Variants in C8orf34 observed in about 807,000 individuals in gnomAD.
C8orf34 encodes chromosome 8 open reading frame 34, also known as uncharacterized protein C8orf34.
C8orf34 carries 65 observed loss-of-function variants against 68.3 expected under a neutral mutation model. That is an observed-to-expected ratio of 0.95 (90% CI 0.78 to 1.17). The LOEUF (loss-of-function observed/expected upper bound fraction) is 1.17, where lower values mean the gene tolerates loss of function less well. Among genes scored for constraint, C8orf34 ranks in the 50% most tolerant of loss-of-function variants. The pLI is 0.00. For missense variants in C8orf34, 664 were observed against 655.4 expected (o/e 1.01, Z -0.14); for synonymous variants, 244 against 241.2 (o/e 1.01, Z -0.11).
rs187993212 is a variant in C8orf34 at position 68,715,022 on chromosome 8, G to A, written c.1327+5943G>A. ...ACAAAGCAAACAAAAACATAAAGTG[G>A]GGAAGGGACACCCTATTCAATAAAT... On this transcript the variant is annotated intron_variant, in intron 9 of 13. Coordinates refer to ENST00000518698, the MANE Select transcript of C8orf34 (RefSeq NM_052958.4). 3.5e-3 allele frequency among the ~76,000 whole-genome samples: 540 copies of A among 152,228 alleles called. 2 individuals carry two copies. The highest frequency in any genetic ancestry group is 5.7e-3 in the Non-Finnish European group (386 of 68,000).
chr8:68,744,992 G>A (rs1039692650), intron 10 of C8orf34, among the ~76,000 whole-genome samples: 8 of 151,910 alleles, frequency 5.3e-5, no homozygotes, highest in Non-Finnish European at 8.8e-5. Context: ...GAGAAAGGTC[G>A]GGTTACCCTG....
At chr8:68,794,482 A>AATATAT (rs1242445585) in intron 12 of C8orf34, among the ~76,000 whole-genome samples, 6 of 89,348 alleles carry the variant, frequency 6.7e-5, no homozygotes, top group African/African-American at 2.3e-4. Context: ...TATAAATATA[A>AATATAT]ATATATATAT....
At chr8:68,656,961 A>G (rs1394308979) in intron 8 of C8orf34, among the ~76,000 whole-genome samples, 3 of 152,222 alleles carry the variant, frequency 2.0e-5, no homozygotes, top group Non-Finnish European at 4.4e-5. Context: ...GTCGTTTGGG[A>G]GAACAGCTTG....
intron 8 of C8orf34, among the ~76,000 whole-genome samples, chr8:68,706,489 G>GA (rs1293610496): frequency 6.6e-6 from 1 of 152,166 alleles, no homozygotes; most frequent in Non-Finnish European, 1.5e-5. Flanking sequence ...GGAGAAAGAA[G>GA]AGGGAAATGG....
chr8:68,517,150 C>T (rs1215007033), intron 5 of C8orf34, among the ~76,000 whole-genome samples: 5 of 152,002 alleles, frequency 3.3e-5, no homozygotes, highest in African/African-American at 4.8e-5. Context: ...TTTTAAATTA[C>T]TTTTGCCATG....
intron 7 of C8orf34, among the ~76,000 whole-genome samples, chr8:68,610,619 T>G (rs926892496): frequency 2.0e-5 from 3 of 152,130 alleles, no homozygotes; most frequent in African/African-American, 7.2e-5. Flanking sequence ...CTTTAGGAAG[T>G]GCAGCCACTA....
At chr8:68,461,184 C>T (rs964352641) in intron 3 of C8orf34, among the ~76,000 whole-genome samples, 6 of 151,942 alleles carry the variant, frequency 3.9e-5, no homozygotes, top group Admixed American at 2.6e-4. Flanking sequence ...TGGAAGAAAG[C>T]GTATCAGTGA....
Position 68,380,838 on chromosome 8 carries a change from C to G in C8orf34, c.327+49499C>G, listed in dbSNP as rs75176305. On this transcript the variant is annotated intron_variant, in intron 1 of 13. Transcript: ENST00000518698. ...TTCAACTCAAGGCAATCAAATTTAC[C>G]ACACATTCATGTATCTCAGAAGATT... Among the ~76,000 whole-genome samples the G allele has an allele frequency of 9.0e-4, 137 of 152,270 alleles. 2 individuals are homozygous for G. Among genetic ancestry groups the G allele is most frequent in the African/African-American group, 3.3e-3 (136 of 41,568 alleles).
intron 7 of C8orf34, among the ~76,000 whole-genome samples, chr8:68,540,386 C>T (rs902521164): frequency 3.3e-5 from 5 of 150,774 alleles, no homozygotes; most frequent in African/African-American, 1.2e-4. Flanking sequence ...CACTTAATGA[C>T]AGAAAAAATT....
At chr8:68,339,757 C>CA (rs1464079121) in intron 1 of C8orf34, among the ~76,000 whole-genome samples, 2 of 151,406 alleles carry the variant, frequency 1.3e-5, no homozygotes, top group African/African-American at 4.9e-5. Flanking sequence ...TTAAATATGA[C>CA]AGAAATATAT....
intron 8 of C8orf34, among the ~76,000 whole-genome samples, chr8:68,685,986 A>C (rs1296390884): frequency 6.6e-6 from 1 of 152,070 alleles, no homozygotes; most frequent in African/African-American, 2.4e-5. Flanking sequence ...GCAAAAGATC[A>C]TTCGAGACTA....
intron 4 of C8orf34, among the ~76,000 whole-genome samples, chr8:68,471,106 C>T (rs964213913): frequency 3.9e-5 from 6 of 152,058 alleles, no homozygotes; most frequent in African/African-American, 1.4e-4. Flanking sequence ...CTATATGTGA[C>T]TCCATAGTGA....
chr8:68,730,346 G>A (rs989393240), intron 10 of C8orf34, among the ~76,000 whole-genome samples: 26 of 152,050 alleles, frequency 1.7e-4, no homozygotes, highest in Non-Finnish European at 3.4e-4. Flanking sequence ...TCTGGCCTGT[G>A]GAATTTCCCT....
At chr8:68,645,683 A>G (rs996956537) in intron 8 of C8orf34, among the ~76,000 whole-genome samples, 5 of 152,194 alleles carry the variant, frequency 3.3e-5, no homozygotes, top group African/African-American at 1.2e-4. Context: ...TAATGCTAAG[A>G]TATTATCAAC....
intron 4 of C8orf34, among the ~76,000 whole-genome samples, chr8:68,469,456 T>G (rs1054476861): frequency 1.3e-5 from 2 of 152,038 alleles, no homozygotes; most frequent in Non-Finnish European, 2.9e-5. Context: ...GGTGTGAAGG[T>G]TTAAAAATGA....
chr8:68,751,559 T>A (rs1313163613), intron 10 of C8orf34, among the ~76,000 whole-genome samples: 2 of 152,178 alleles, frequency 1.3e-5, no homozygotes, highest in African/African-American at 4.8e-5. Context: ...AATAGTAAGT[T>A]AAAACTCTTA....
intron 5 of C8orf34, among the ~76,000 whole-genome samples, chr8:68,501,958 C>CA (rs369584387): frequency 6.0e-4 from 90 of 150,666 alleles, no homozygotes; most frequent in East Asian, 5.8e-4. Context: ...TTTGACATTT[C>CA]AAAAAAAAAG....
rs373857412 is a variant in C8orf34, at chr8:68,652,181, T to C, written c.1241+11670T>C. ...GCCAGTACTCCATGCCTATTCCTTATTAGTTTATTGACATTTGGCCATGTT... is the reference window on the plus strand; with the variant it reads ...GCCAGTACTCCATGCCTATTCCTTACTAGTTTATTGACATTTGGCCATGTT... On this transcript the variant is annotated intron_variant, in intron 8 of 13. Coordinates refer to ENST00000518698, the MANE Select transcript of C8orf34 (RefSeq NM_052958.4). Among the ~76,000 whole-genome samples, 46 of 152,354 alleles carry C rather than the reference T, an allele frequency of 3.0e-4. No homozygotes were observed. The South Asian group carries it at 9.1e-3, about 30-fold the overall frequency.
chr8:68,608,285 G>A (rs1817914651), intron 7 of C8orf34, among the ~76,000 whole-genome samples: 1 of 150,946 alleles, frequency 6.6e-6, no homozygotes, highest in Non-Finnish European at 1.5e-5. Flanking sequence ...TAGAGATGAA[G>A]GCTGTGGTAA....
Sources: allele counts gnomAD v4.1 joint callset (sites outside exome capture counted in the v4.1 genomes callset), GRCh38; gene constraint gnomAD v4.1.1; transcripts MANE v1.5; gene names NCBI Gene and HGNC (gene_info 2026-07-23, HGNC 2026-07-21).